USP26: variants seen among roughly 807,000 people sequenced by gnomAD.
USP26 encodes ubiquitin specific peptidase 26.
For missense variants in USP26, 649 were observed against 642.3 expected, an observed-to-expected ratio of 1.01 and a Z score of -0.11; for synonymous variants, 236 against 240.6, an observed-to-expected ratio of 0.98 and a Z score of 0.18.
intron 5 of USP26, among the ~76,000 whole-genome samples, chrX:133,028,932 G>A (rs1445616158): frequency 8.9e-6 from 1 of 111,942 alleles, no homozygotes; most frequent in Non-Finnish European, 1.9e-5. Context: ...CATTGTACTT[G>A]CTCATTCAAC....
intron 5 of USP26, among the ~76,000 whole-genome samples, chrX:133,053,366 T>A (rs2067465777): frequency 9.1e-6 from 1 of 110,221 alleles, no homozygotes; most frequent in Non-Finnish European, 1.9e-5. Context: ...GGTGAAACCC[T>A]GTCTCTATTG....
At chrX:133,081,348 G>A (rs746289047) in intron 5 of USP26, among the ~76,000 whole-genome samples, 1 of 30,328 alleles carries the variant, frequency 3.3e-5, no homozygotes, top group South Asian at 9.0e-4. Flanking sequence ...CCAGGCTGGA[G>A]TGCAGTGGCA....
In USP26 at chrX:133,027,556, A is replaced by G; in HGVS notation, c.665T>C (p.Leu222Ser). ...ATTCTCTTCTAACTCTTTTAACTTC[A>G]ATTGTTTCTCTCGATTATAGCTTAC... is the stretch of plus-strand genomic sequence containing the variant. ...RCVSYNREKQ[L>S]KLKELEENKK... is the part of the protein sequence containing the mutation. The change falls in exon 6 of 6, where the codon TTG becomes TCG. Residue 222 changes from leucine to serine, a missense_variant. Leu to Ser is a moderately radical substitution (Grantham distance 145). Transcript: ENST00000511190. The G allele has an allele frequency of 8.3e-7, 1 of 1,208,987 alleles. No individual in the cohort carries two copies.
chrX:133,027,745 G>T lies in USP26; in HGVS notation c.476C>A (p.Pro159His), dbSNP rs1860385537. Residue 159 changes from proline to histidine, a missense_variant, in exon 6 of 6, where the codon CCT becomes CAT. Pro to His is a moderately conservative substitution (Grantham distance 77). Coordinates refer to ENST00000511190, the MANE Select transcript of USP26 (RefSeq NM_031907.3). Reference sequence around the variant, plus strand: ...AAGTGTCAATTTTGATGTAAGCAAAGGCATCCTCTGAAGGACACCTGTCCC... The same window carrying T: ...AAGTGTCAATTTTGATGTAAGCAAATGCATCCTCTGAAGGACACCTGTCCC... Reference protein sequence around the residue: ...GSGTGVLQRMPLLTSKLTLTC... With the variant: ...GSGTGVLQRMHLLTSKLTLTC... The T allele has an allele frequency of 2.5e-6, 3 of 1,208,103 alleles. No individual in the cohort carries two copies. Among genetic ancestry groups the T allele is most frequent in the Non-Finnish European group, 3.4e-6 (3 of 893,825 alleles).
chrX:133,075,576 G>A (rs989451096), intron 5 of USP26, among the ~76,000 whole-genome samples: 1 of 111,891 alleles, frequency 8.9e-6, no homozygotes, highest in Non-Finnish European at 1.9e-5. Flanking sequence ...GAATCGCTAA[G>A]AGCAGCATTC....
chrX:133,054,236 A>G (rs766746011), intron 5 of USP26, among the ~76,000 whole-genome samples: 73 of 111,551 alleles, frequency 6.5e-4, no homozygotes, highest in African/African-American at 2.3e-3. Flanking sequence ...ACAGCATTTA[A>G]TTCTTTAACT....
chrX:133,047,701 A>G (rs1436039738), intron 5 of USP26, among the ~76,000 whole-genome samples: 1 of 111,557 alleles, frequency 9.0e-6, no homozygotes, highest in African/African-American at 3.3e-5. Flanking sequence ...TCATGAGGGC[A>G]GAGGCCTTAT....
At chrX:133,088,983 T>C (rs1283607723) in intron 4 of USP26, among the ~76,000 whole-genome samples, 1 of 110,186 alleles carries the variant, frequency 9.1e-6, no homozygotes, top group African/African-American at 3.3e-5. Flanking sequence ...CCCCAGTTTT[T>C]ACTGGACAGG....
intron 2 of USP26, among the ~76,000 whole-genome samples, chrX:133,091,011 T>C (rs755782455): frequency 6.2e-5 from 7 of 112,060 alleles, no homozygotes; most frequent in Admixed American, 3.8e-4. Flanking sequence ...GAAAATACTA[T>C]GTTAGAAACC....
chrX:133,091,353 C>G lies in USP26; in HGVS notation c.-302G>C, dbSNP rs965742952. Reference sequence around the variant, plus strand: ...TACCTTCAGACCCATATTCTCATACCTGAAACAAAGGCACCTGAGCAGCAC... The same window carrying G: ...TACCTTCAGACCCATATTCTCATACGTGAAACAAAGGCACCTGAGCAGCAC... On this transcript the variant is annotated splice_region_variant and 5_prime_UTR_variant, in exon 2 of 6. Coordinates refer to ENST00000511190, the MANE Select transcript of USP26 (RefSeq NM_031907.3). 1 of 111,497 alleles carries G rather than the reference C, an allele frequency of 9.0e-6. No individual in the cohort carries two copies. The highest frequency in any genetic ancestry group is 3.3e-5 in the African/African-American group (1 of 30,665). The allele number at this position is 111,497 out of a possible 1,213,427, so 9.2% of individuals were successfully genotyped here.
chrX:133,053,160 C>T (rs1399992155), intron 5 of USP26, among the ~76,000 whole-genome samples: 1 of 111,644 alleles, frequency 9.0e-6, no homozygotes, highest in African/African-American at 3.3e-5. Flanking sequence ...TTCTAAGAAG[C>T]CCATGACATA....
chrX:133,073,240 T>C (rs1460902669), intron 5 of USP26, among the ~76,000 whole-genome samples: 1 of 108,293 alleles, frequency 9.2e-6, no homozygotes, highest in Non-Finnish European at 1.9e-5. Flanking sequence ...TTATTAAATG[T>C]CCTCAATCTA....
chrX:133,078,084 C>CAAACA (rs1413003749), intron 5 of USP26, among the ~76,000 whole-genome samples: 1 of 110,081 alleles, frequency 9.1e-6, no homozygotes, highest in Non-Finnish European at 1.9e-5. Context: ...GACTCTGTCT[C>CAAACA]AAACAAAACA....
At chrX:133,070,433 A>G (rs746161539) in intron 5 of USP26, among the ~76,000 whole-genome samples, 117 of 111,570 alleles carry the variant, frequency 1.0e-3, no homozygotes, top group Non-Finnish European at 1.5e-3. Context: ...TAAGAACTCC[A>G]GGGAATCTGT....
intron 5 of USP26, among the ~76,000 whole-genome samples, chrX:133,044,276 G>A (rs191689109): frequency 3.3e-4 from 37 of 113,481 alleles, no homozygotes; most frequent in Admixed American, 1.7e-3. Flanking sequence ...CACTCTGGCC[G>A]CGCTTGAGGA....
intron 5 of USP26, among the ~76,000 whole-genome samples, chrX:133,056,154 A>G (rs1953932983): frequency 8.9e-6 from 1 of 111,746 alleles, no homozygotes; most frequent in African/African-American, 3.3e-5. Flanking sequence ...GTAGAACATA[A>G]GTAAGTGCAC....
intron 5 of USP26, among the ~76,000 whole-genome samples, chrX:133,049,585 C>G (rs992207596): frequency 8.9e-6 from 1 of 112,149 alleles, no homozygotes; most frequent in African/African-American, 3.2e-5. Context: ...CATGCACAGA[C>G]ACATACACAG....
intron 5 of USP26, among the ~76,000 whole-genome samples, chrX:133,080,897 T>G (rs2067567807): frequency 8.9e-6 from 1 of 111,836 alleles, no homozygotes; most frequent in African/African-American, 3.3e-5. Flanking sequence ...CTACTCATTT[T>G]CCACTGAGGC....
At chrX:133,041,603 G>A (rs1184210637) in intron 5 of USP26, among the ~76,000 whole-genome samples, 2 of 111,935 alleles carry the variant, frequency 1.8e-5, no homozygotes, top group African/African-American at 6.5e-5. Flanking sequence ...GATGCCAGCT[G>A]GAATTCTCCT....
Sources: allele counts gnomAD v4.1 joint callset (sites outside exome capture counted in the v4.1 genomes callset), GRCh38; gene constraint gnomAD v4.1.1; transcripts MANE v1.5; gene names NCBI Gene and HGNC (gene_info 2026-07-23, HGNC 2026-07-21).